ZNF519: variants seen among roughly 807,000 people sequenced by gnomAD.
ZNF519 encodes the protein zinc finger protein 519.
In ZNF519, 7 loss-of-function variants were observed where a neutral mutation model predicts 7.4. That is an observed-to-expected ratio of 0.94 (90% CI 0.54 to 1.77). The LOEUF is 1.77. Ranked by LOEUF, ZNF519 falls within the 40% of genes most tolerant of loss-of-function variation. The pLI is 0.00. For missense variants in ZNF519, 586 were observed against 623.1 expected (o/e 0.94, Z 0.63); for synonymous variants, 179 against 203.3 (o/e 0.88, Z 1.02).
chr18:14,083,662 C>A (rs1173807443), intron 3 of ZNF519, among the ~76,000 whole-genome samples: 1 of 152,038 alleles, frequency 6.6e-6, no homozygotes, highest in Non-Finnish European at 1.5e-5. Flanking sequence ...GTAACCCCAG[C>A]ACTTTGGGAG....
At chr18:14,130,194 C>CA (rs75044562) in intron 1 of ZNF519, among the ~76,000 whole-genome samples, 26,577 of 127,790 alleles carry the variant, frequency 0.21, 2,833 homozygotes, top group Middle Eastern at 0.31. Flanking sequence ...CTCCGATGGT[C>CA]AAAAAAAAAA....
At chr18:14,131,981 C>G (rs2046332771) in intron 1 of ZNF519, among the ~76,000 whole-genome samples, 1 of 152,216 alleles carries the variant, frequency 6.6e-6, no homozygotes, top group South Asian at 2.1e-4. Flanking sequence ...ACAGCTCCTT[C>G]CACGCAGGAA....
intron 3 of ZNF519, chr18:14,084,480 C>G (rs1445543961): frequency 1.3e-5 from 2 of 152,188 alleles, no homozygotes; most frequent in African/African-American, 4.8e-5. Context: ...AGAACACCCT[C>G]CAGCTGAATG....
At chr18:14,093,328 C>T (rs1363324887) in intron 2 of ZNF519, among the ~76,000 whole-genome samples, 1 of 152,202 alleles carries the variant, frequency 6.6e-6, no homozygotes, top group Non-Finnish European at 1.5e-5. Flanking sequence ...ATCCAGTCAT[C>T]TCTGTTCAAA....
At chr18:14,127,082 C>A (rs1202887888) in intron 1 of ZNF519, among the ~76,000 whole-genome samples, 1 of 152,206 alleles carries the variant, frequency 6.6e-6, no homozygotes, top group East Asian at 1.9e-4. Flanking sequence ...AACAAAAATA[C>A]TCTACTCCAC....
intron 2 of ZNF519, among the ~76,000 whole-genome samples, chr18:14,091,665 T>C (rs995862849): frequency 2.0e-5 from 3 of 151,962 alleles, no homozygotes; most frequent in Non-Finnish European, 1.5e-5. Context: ...TATTATTAAA[T>C]AAAGGCATAA....
In ZNF519 at chr18:14,099,994, A is replaced by G. The variant is rs1196231180; in HGVS notation, c.*4923T>C. 1 of 152,240 alleles carries G rather than the reference A, an allele frequency of 6.6e-6. No homozygotes were observed. Among genetic ancestry groups the G allele is most frequent in the African/African-American group, 2.4e-5 (1 of 41,462 alleles). The allele number at this position is 152,240 out of a possible 1,614,324, so 9.4% of individuals were successfully genotyped here. On this transcript the variant is annotated 3_prime_UTR_variant, in exon 3 of 3. Transcript: ENST00000590202. ...GCCTATGTGAGCTAGTAACCAGAAT[A>G]TAAACAGAACTCTCAAAACTTGCAA...
Position 14,105,598 on chromosome 18 carries a change from A to C in ZNF519, c.942T>G (p.His314Gln). 6.2e-7 allele frequency: 1 copy of C among 1,614,004 alleles called. No individual in the cohort carries two copies. Among genetic ancestry groups the C allele is most frequent in the Non-Finnish European group, 8.5e-7 (1 of 1,179,984 alleles). Residue 314 changes from histidine to glutamine, a missense_variant, in exon 3 of 3, where the codon CAT (histidine) becomes CAG (glutamine). Transcript: ENST00000590202. ...TACACTTGAAAGGCTTCTCTCCAGTATGGATTCTCTGATGTTGAGCAAGGT... is the reference window on the plus strand; with the variant it reads ...TACACTTGAAAGGCTTCTCTCCAGTCTGGATTCTCTGATGTTGAGCAAGGT... ...SSHLAQHQRI[H>Q]TGEKPFKCKE... is the part of the protein sequence containing the mutation.
downstream of ZNF519, among the ~76,000 whole-genome samples, chr18:14,096,075 T>A (rs2046135278): frequency 6.6e-6 from 1 of 152,354 alleles, no homozygotes; most frequent in East Asian, 1.9e-4. Flanking sequence ...AGGTGTCACC[T>A]ACAGGACCTG....
At chr18:14,123,156 G>T in intron 2 of ZNF519, 1 of 257,364 alleles carries the variant, frequency 3.9e-6, no homozygotes, top group Non-Finnish European at 8.0e-6. Context: ...AAATTGTAAG[G>T]CTCTTTTCTT....
At chr18:14,126,864 A>T (rs2046301640) in intron 1 of ZNF519, among the ~76,000 whole-genome samples, 1 of 152,168 alleles carries the variant, frequency 6.6e-6, no homozygotes, top group Non-Finnish European at 1.5e-5. Context: ...GGACATCCTC[A>T]AATGTCTCCA....
intron 2 of ZNF519, among the ~76,000 whole-genome samples, chr18:14,106,738 C>T (rs1313437979): frequency 6.6e-6 from 1 of 152,076 alleles, no homozygotes; most frequent in Admixed American, 6.5e-5. Flanking sequence ...CTAATGCCAC[C>T]CCTCACTCAT....
intron 3 of ZNF519, chr18:14,080,315 G>GTTTTTTTTTTTTTT (rs55805123): frequency 3.0e-5 from 3 of 101,256 alleles, no homozygotes; most frequent in African/African-American, 8.0e-5. Flanking sequence ...CAATTTGACA[G>GTTTTTTTTTTTTTT]TTTTTTTTTT....
At chr18:14,124,855 A>G (rs1328340499) in intron 1 of ZNF519, among the ~76,000 whole-genome samples, 1 of 152,138 alleles carries the variant, frequency 6.6e-6, no homozygotes, top group Non-Finnish European at 1.5e-5. Context: ...TTTCACCTAG[A>G]ACAATAGACA....
chr18:14,110,952 G>A (rs545290453), intron 2 of ZNF519, among the ~76,000 whole-genome samples: 414 of 152,054 alleles, frequency 2.7e-3, no homozygotes, highest in African/African-American at 9.6e-3. Flanking sequence ...TACACTGCTC[G>A]GGTGACAGGT....
chr18:14,077,648 T>A (rs2046052975), intron 4 of ZNF519: 1 of 151,956 alleles, frequency 6.6e-6, no homozygotes, highest in Non-Finnish European at 1.5e-5. Flanking sequence ...GAGATGTGAG[T>A]GTTTTGGAGA....
intron 2 of ZNF519, among the ~76,000 whole-genome samples, chr18:14,091,623 C>T (rs1324129877): frequency 6.6e-6 from 1 of 152,026 alleles, no homozygotes; most frequent in Non-Finnish European, 1.5e-5. Context: ...CTCTTGATGA[C>T]ATTTTAGGAA....
chr18:14,090,812 C>G (rs1055921218), intron 2 of ZNF519: 1 of 152,232 alleles, frequency 6.6e-6, no homozygotes, highest in Non-Finnish European at 1.5e-5. Flanking sequence ...AAGTTTGATT[C>G]GCTCTCATTG....
rs140136914 is a variant in ZNF519 at position 14,079,012 on chromosome 18, T to G, written c.*178-714A>C. 8.8e-4 allele frequency among the ~76,000 whole-genome samples: 134 copies of G among 152,342 alleles called. 1 individual carries two copies. The highest frequency in any genetic ancestry group is 6.8e-3 in the Middle Eastern group (2 of 294). The stretch of plus-strand genomic sequence containing the variant: ...AAGCACCAGTATCCTTGGCATAAGC[T>G]GGCAGATTTTGGTGGAAGTGACAGG... On this transcript the variant is annotated intron_variant and NMD_transcript_variant, in intron 3 of 4. Transcript: ENST00000587419.
Sources: gnomAD v4.1 joint callset for allele counts (sites outside exome capture counted in the v4.1 genomes callset) on GRCh38, gnomAD v4.1.1 for gene constraint, MANE v1.5 for transcripts, NCBI Gene and HGNC (gene_info 2026-07-23, HGNC 2026-07-21) for gene names.